CCDC171: variants seen among roughly 807,000 people sequenced by gnomAD.
CCDC171 encodes the protein coiled-coil domain containing 171, also known as coiled-coil domain-containing protein 171.
Under a neutral mutation model 168.2 loss-of-function variants are expected in CCDC171, and 177 were observed. The observed-to-expected ratio is 1.05, with a 90% CI of 0.93 to 1.19. The LOEUF is 1.19. CCDC171 is among the 50% of genes most tolerant of loss of function. The pLI is 0.00. For synonymous variants in CCDC171, 687 were observed against 540.8 expected (o/e 1.27, Z -3.75); for missense variants, 1,991 against 1,539.0 (o/e 1.29, Z -4.91).
the CCDC171 span, among the ~76,000 whole-genome samples, chr9:16,090,814 CTGA>C: frequency 6.6e-6 from 1 of 152,164 alleles, no homozygotes; most frequent in Non-Finnish European, 1.5e-5. Context: ...TCCAAAATGT[CTGA>C]TGCAGTGAAG....
intron 11 of CCDC171, among the ~76,000 whole-genome samples, chr9:15,712,828 G>T (rs2052774202): frequency 6.6e-6 from 1 of 152,152 alleles, no homozygotes; most frequent in South Asian, 2.1e-4. Context: ...AGTTCATATT[G>T]CTGAGCCTGT....
chr9:16,014,308 A>G (rs1832954789), intron 3 of CCDC171, among the ~76,000 whole-genome samples: 1 of 152,186 alleles, frequency 6.6e-6, no homozygotes, highest in Middle Eastern at 3.2e-3. Context: ...AAATTCAGTC[A>G]CATCTTCAGG....
chr9:15,634,964 G>T (rs547458999), intron 7 of CCDC171, among the ~76,000 whole-genome samples: 8 of 152,122 alleles, frequency 5.3e-5, no homozygotes, highest in Non-Finnish European at 1.2e-4. Flanking sequence ...GTTGCAGCAT[G>T]TATTAGTGCT....
chr9:15,752,828 A>G (rs1247721901), intron 18 of CCDC171, among the ~76,000 whole-genome samples: 1 of 152,138 alleles, frequency 6.6e-6, no homozygotes, highest in African/African-American at 2.4e-5. Flanking sequence ...AACATGGCTC[A>G]TATATACCTA....
intron 21 of CCDC171, among the ~76,000 whole-genome samples, chr9:15,810,816 G>T (rs565675867): frequency 2.6e-5 from 4 of 152,340 alleles, no homozygotes; most frequent in African/African-American, 9.6e-5. Flanking sequence ...GAGGGAGCTG[G>T]CTTCAGCATG....
intron 21 of CCDC171, among the ~76,000 whole-genome samples, chr9:15,793,379 A>C (rs568505082): frequency 6.6e-6 from 1 of 152,138 alleles, no homozygotes; most frequent in African/African-American, 2.4e-5. Context: ...ATAATGGGAG[A>C]CTTTAACACC....
intron 7 of CCDC171, among the ~76,000 whole-genome samples, chr9:15,645,874 T>C (rs2046993557): frequency 6.6e-6 from 1 of 152,118 alleles, no homozygotes; most frequent in Non-Finnish European, 1.5e-5. Context: ...AGGCCAACAT[T>C]CAAATTCAGG....
chr9:15,647,645 A>G (rs529908148), intron 7 of CCDC171, among the ~76,000 whole-genome samples: 26 of 152,344 alleles, frequency 1.7e-4, no homozygotes, highest in Non-Finnish European at 3.1e-4. Context: ...TAGAAAATCT[A>G]GAAGAAATGC....
In CCDC171 at chr9:15,729,814, A is replaced by C. The variant is rs1388427375; in HGVS notation, c.2049+16A>C. ...GAGGGCACAGGTATGCTACCTTTAC[A>C]AAGAGCTTTAAAAAATGGGTTACTC... On this transcript the variant is annotated intron_variant, in intron 16 of 25. Coordinates refer to ENST00000380701, the MANE Select transcript of CCDC171 (RefSeq NM_173550.4). The C allele has an allele frequency of 6.3e-7, 1 of 1,587,088 alleles. No individual in the cohort carries two copies. Among genetic ancestry groups the C allele is most frequent in the East Asian group, 2.2e-5 (1 of 44,712 alleles).
chr9:15,609,246 C>A (rs1046726970), intron 6 of CCDC171, among the ~76,000 whole-genome samples: 1 of 151,716 alleles, frequency 6.6e-6, no homozygotes, highest in Admixed American at 6.6e-5. Flanking sequence ...ATTACAGGTG[C>A]CTGCCACCAT....
intron 4 of CCDC171, among the ~76,000 whole-genome samples, chr9:15,579,480 G>T (rs1563977123): frequency 1.3e-5 from 2 of 152,136 alleles, no homozygotes; most frequent in African/African-American, 4.8e-5. Context: ...GCCTGGAAAA[G>T]AAAAAGTCAC....
chr9:16,032,352 G>A (rs145678559), intron 6 of CCDC171, among the ~76,000 whole-genome samples: 57 of 152,290 alleles, frequency 3.7e-4, no homozygotes, highest in African/African-American at 1.3e-3. Flanking sequence ...TGAAATAGAC[G>A]ATGGTTTGCA....
chr9:16,046,801 G>A (rs913038044), intron 1 of CCDC171, among the ~76,000 whole-genome samples: 10 of 152,292 alleles, frequency 6.6e-5, no homozygotes, highest in South Asian at 4.1e-4. Context: ...GCCACGTGGA[G>A]CTGTGAGTCC....
intron 21 of CCDC171, among the ~76,000 whole-genome samples, chr9:15,794,753 T>A (rs1416143554): frequency 6.6e-6 from 1 of 152,244 alleles, no homozygotes; most frequent in East Asian, 1.9e-4. Context: ...AGAAGTTTGC[T>A]GACCCTTGGG....
At chr9:15,760,189 G>A (rs1281386138) in intron 18 of CCDC171, among the ~76,000 whole-genome samples, 1 of 152,114 alleles carries the variant, frequency 6.6e-6, no homozygotes, top group Non-Finnish European at 1.5e-5. Flanking sequence ...CAAATTAATA[G>A]CATCACTGAC....
chr9:15,804,638 G>A (rs942771860), intron 21 of CCDC171, among the ~76,000 whole-genome samples: 3 of 152,076 alleles, frequency 2.0e-5, no homozygotes, highest in African/African-American at 7.2e-5. Flanking sequence ...CAGTTTGCCA[G>A]TGTTTTGTGG....
chr9:15,638,702 T>G lies in CCDC171; in HGVS notation c.822+15289T>G, dbSNP rs576281183. ...ATAAATATAAAAGAATTTAAAAATC[T>G]TATAAGCTTTATATCACTGTGTCTT... On this transcript the variant is annotated intron_variant, in intron 7 of 25. Transcript: ENST00000380701. Among the ~76,000 whole-genome samples the G allele has an allele frequency of 2.6e-5, 4 of 151,964 alleles. No individual in the cohort carries two copies. In the East Asian group the frequency reaches 7.7e-4, roughly 29 times the overall value.
chr9:15,612,620 G>A (rs1050096511), intron 6 of CCDC171, among the ~76,000 whole-genome samples: 2 of 152,104 alleles, frequency 1.3e-5, no homozygotes, highest in Non-Finnish European at 2.9e-5. Flanking sequence ...TGTGTTGAGT[G>A]TGCCCCTGTT....
In CCDC171 at chr9:15,946,975, A is replaced by T. The variant is rs888978468; in HGVS notation, c.3754-24634A>T. On this transcript the variant is annotated intron_variant, in intron 25 of 25. Transcript: ENST00000380701. ...GTTTTGTTGTTTAGGTTGTACAATT[A>T]GCATTTTAATCTGTCTCAGTTTTAT... Among the ~76,000 whole-genome samples the T allele has an allele frequency of 7.1e-4, 108 of 152,000 alleles. 1 individual carries two copies. The highest frequency in any genetic ancestry group is 2.4e-3 in the African/African-American group (99 of 41,426).
Sources: allele counts gnomAD v4.1 joint callset (sites outside exome capture counted in the v4.1 genomes callset), GRCh38; gene constraint gnomAD v4.1.1; transcripts MANE v1.5; gene names NCBI Gene and HGNC (gene_info 2026-07-23, HGNC 2026-07-21).